Variants in PACRG observed in about 807,000 individuals in gnomAD.
PACRG encodes the protein parkin coregulated, also known as parkin coregulated gene protein.
PACRG carries 29 observed loss-of-function variants against 29.7 expected under a neutral mutation model. The observed-to-expected ratio is 0.98, with a 90% CI of 0.73 to 1.33. The LOEUF is 1.33. PACRG is among the 40% of genes most tolerant of loss of function. The pLI is 0.00. For missense variants in PACRG, 279 were observed against 316.2 expected, an observed-to-expected ratio of 0.88 and a Z score of 0.89; for synonymous variants, 116 against 118.7, an observed-to-expected ratio of 0.98 and a Z score of 0.15.
At chr6:162,727,600 G>A (rs2128243085), upstream of PACRG, 1 of 1,528,222 alleles carries the variant, frequency 6.5e-7, no homozygotes, top group Middle Eastern at 1.7e-4. Flanking sequence ...GAGGCGGGGC[G>A]TGGCGCCATA....
At chr6:163,096,421 G>A (rs1474806149) in intron 4 of PACRG, among the ~76,000 whole-genome samples, 1 of 152,236 alleles carries the variant, frequency 6.6e-6, no homozygotes, top group African/African-American at 2.4e-5. Context: ...AGGGGAAGAT[G>A]CTTGGGCAGA....
At chr6:163,281,325 C>T (rs16894713) in intron 4 of PACRG, among the ~76,000 whole-genome samples, 6,296 of 152,184 alleles carry the variant, frequency 0.041, 364 homozygotes, top group African/African-American at 0.13. Flanking sequence ...TTGAAGAAGC[C>T]CTTGGCTCCT....
chr6:163,030,329 T>C (rs1273493322), intron 2 of PACRG, among the ~76,000 whole-genome samples: 2 of 152,216 alleles, frequency 1.3e-5, no homozygotes, highest in African/African-American at 2.4e-5. Flanking sequence ...TCTAGATATA[T>C]AGAATTAGCC....
intron 4 of PACRG, among the ~76,000 whole-genome samples, chr6:163,217,078 T>A (rs1249366842): frequency 6.6e-6 from 1 of 152,094 alleles, no homozygotes; most frequent in Non-Finnish European, 1.5e-5. Context: ...TTCCGTTGAG[T>A]CCTAATAGGA....
intron 4 of PACRG, among the ~76,000 whole-genome samples, chr6:163,091,003 C>T (rs939016032): frequency 7.2e-5 from 11 of 152,180 alleles, no homozygotes; most frequent in Non-Finnish European, 1.2e-4. Flanking sequence ...TTATTCTGTA[C>T]TTGATGATCC....
intron 2 of PACRG, among the ~76,000 whole-genome samples, chr6:162,981,342 C>T (rs1046343983): frequency 6.8e-6 from 1 of 148,126 alleles, no homozygotes; most frequent in Admixed American, 6.7e-5. Flanking sequence ...GCCTAAATTC[C>T]CATCAACCAA....
chr6:163,253,272 C>T (rs530981884), intron 4 of PACRG, among the ~76,000 whole-genome samples: 58 of 132,302 alleles, frequency 4.4e-4, no homozygotes, highest in African/African-American at 9.1e-4. Context: ...TGCACTCCAG[C>T]GTGGGTGAGA....
At chr6:163,252,240 G>A (rs982377674) in intron 4 of PACRG, among the ~76,000 whole-genome samples, 15 of 152,382 alleles carry the variant, frequency 9.8e-5, no homozygotes, top group African/African-American at 3.4e-4. Context: ...CTGTGAGCAC[G>A]CCCTCTGCAC....
rs114078229 is a variant in PACRG, at chr6:162,873,416, T to G, written c.291+59135T>G. ...CCTTTACTTTCATTTACTCAACACA[T>G]ATGTGTCTGTCTTAGCACTGAATCT... On this transcript the variant is annotated intron_variant, in intron 2 of 4. Coordinates refer to ENST00000366888, the MANE Select transcript of PACRG (RefSeq NM_001080379.2). Among the ~76,000 whole-genome samples, 1,190 of 152,324 alleles carry G rather than the reference T, an allele frequency of 7.8e-3. 17 individuals are homozygous for G. Among genetic ancestry groups the G allele is most frequent in the African/African-American group, 0.027 (1,106 of 41,564 alleles).
chr6:162,892,018 A>G (rs529672233), intron 2 of PACRG: 3 of 152,374 alleles, frequency 2.0e-5, no homozygotes, highest in African/African-American at 7.2e-5. Flanking sequence ...AGGAGGCCAC[A>G]CTTCCCTGGG....
At chr6:163,033,685 G>C (rs914034039) in intron 2 of PACRG, among the ~76,000 whole-genome samples, 1 of 152,286 alleles carries the variant, frequency 6.6e-6, no homozygotes, top group Admixed American at 6.5e-5. Context: ...AAAAGATAGA[G>C]GACTCATTTT....
At chr6:162,882,986 G>A (rs142372954) in intron 2 of PACRG, among the ~76,000 whole-genome samples, 8 of 152,290 alleles carry the variant, frequency 5.3e-5, no homozygotes, top group East Asian at 3.9e-4. Context: ...TGCTCTCTGC[G>A]CTCTGACCCT....
At chr6:162,873,809 A>T (rs986074702) in intron 2 of PACRG, among the ~76,000 whole-genome samples, 1 of 152,204 alleles carries the variant, frequency 6.6e-6, no homozygotes, top group Non-Finnish European at 1.5e-5. Context: ...TTGATATGCT[A>T]CCCTGACACT....
intron 4 of PACRG, among the ~76,000 whole-genome samples, chr6:163,122,202 A>T (rs956387062): frequency 6.6e-6 from 1 of 152,166 alleles, no homozygotes; most frequent in Non-Finnish European, 1.5e-5. Flanking sequence ...AGAAAAAAAT[A>T]GACAAATTCA....
At chr6:162,783,432 C>T (rs1452816840) in intron 1 of PACRG, among the ~76,000 whole-genome samples, 1 of 151,842 alleles carries the variant, frequency 6.6e-6, no homozygotes, top group Non-Finnish European at 1.5e-5. Context: ...TTTCTTTCTC[C>T]TCTCCACATA....
At chr6:163,260,678 A>G (rs987747798) in intron 4 of PACRG, among the ~76,000 whole-genome samples, 4 of 152,216 alleles carry the variant, frequency 2.6e-5, no homozygotes, top group Non-Finnish European at 5.9e-5. Context: ...GCTGAGAAAC[A>G]GAAGACAATC....
At chr6:163,061,444 A>G (rs1464317347) in intron 2 of PACRG, among the ~76,000 whole-genome samples, 2 of 152,156 alleles carry the variant, frequency 1.3e-5, no homozygotes. Flanking sequence ...GGGGACATGG[A>G]GGGACACTGA....
chr6:162,735,106 T>C (rs904110394), intron 1 of PACRG, among the ~76,000 whole-genome samples: 1 of 152,208 alleles, frequency 6.6e-6, no homozygotes, highest in Non-Finnish European at 1.5e-5. Flanking sequence ...TGTCTAGTAT[T>C]TTCTTGGATA....
At chr6:163,054,963 C>T (rs1336485201) in intron 2 of PACRG, among the ~76,000 whole-genome samples, 6 of 152,222 alleles carry the variant, frequency 3.9e-5, no homozygotes, top group African/African-American at 1.4e-4. Context: ...GGGTGACCTG[C>T]CAGTGTTGGG....
Sources: allele counts gnomAD v4.1 joint callset (sites outside exome capture counted in the v4.1 genomes callset), GRCh38; gene constraint gnomAD v4.1.1; transcripts MANE v1.5; gene names NCBI Gene and HGNC (gene_info 2026-07-23, HGNC 2026-07-21).